The following RERE variants were observed in gnomAD, a reference collection of about 807,000 sequenced individuals.
The protein encoded by RERE is arginine-glutamic acid dipeptide repeats protein.
Under a neutral mutation model 146.1 loss-of-function variants are expected in RERE, and 40 were observed. The ratio of observed to expected loss-of-function variants is 0.27; its 90% CI spans 0.21 to 0.36. The LOEUF (loss-of-function observed/expected upper bound fraction) is 0.36. Ranked by LOEUF, RERE falls within the 10% of genes least tolerant of loss-of-function variation. RERE has a pLI of 1.00. For synonymous variants in RERE, 1,003 were observed against 866.0 expected (o/e 1.16, Z -2.78); for missense variants, 1,933 against 2,138.7 (o/e 0.90, Z 1.90).
rs557157101 is a variant in RERE at position 8,771,707 on chromosome 1, G to A, written c.-145+45453C>T. ...AGGCAGATCACGAGGTCAGGAGATA[G>A]AGGCCATCCTGGCTAACAAGGTGAA... On this transcript the variant is annotated intron_variant, in intron 1 of 22. Coordinates refer to ENST00000400908, the MANE Select transcript of RERE (RefSeq NM_001042681.2). Among the ~76,000 whole-genome samples, 6 of 152,080 alleles carry A rather than the reference G, an allele frequency of 3.9e-5. No individual in the cohort carries two copies. The South Asian group carries it at 1.2e-3, about 32-fold the overall frequency.
intron 4 of RERE, among the ~76,000 whole-genome samples, chr1:8,607,476 T>C (rs1360532420): frequency 1.3e-5 from 2 of 149,914 alleles, no homozygotes; most frequent in Non-Finnish European, 3.0e-5. Flanking sequence ...CTTTGGCAAT[T>C]CTATTGCTAA....
At chr1:8,779,638 G>A (rs754994715) in intron 1 of RERE, among the ~76,000 whole-genome samples, 6 of 151,938 alleles carry the variant, frequency 3.9e-5, no homozygotes, top group Non-Finnish European at 7.4e-5. Context: ...ACTCCAGTCC[G>A]GGCGACAAAG....
At chr1:8,640,649 C>T (rs1647164516) in intron 2 of RERE, among the ~76,000 whole-genome samples, 1 of 152,020 alleles carries the variant, frequency 6.6e-6, no homozygotes, top group South Asian at 2.1e-4. Context: ...ATGAAAAAGA[C>T]TTAAAGGTAC....
chr1:8,613,406 T>C (rs1278497035), intron 4 of RERE, among the ~76,000 whole-genome samples: 2 of 152,106 alleles, frequency 1.3e-5, no homozygotes, highest in African/African-American at 2.4e-5. Flanking sequence ...ACTGCCTGCG[T>C]TGCTTATAAG....
In RERE at chr1:8,542,096, GC is replaced by G. The variant is rs746530317; in HGVS notation, c.726-779del. ...CCAAGTATCAACGTAAATGCCAGAAGCATTATATCACGTGGTGAGGCCTAAC... is the reference window on the plus strand; with the variant it reads ...CCAAGTATCAACGTAAATGCCAGAAGATTATATCACGTGGTGAGGCCTAAC... On this transcript the variant is annotated intron_variant, in intron 6 of 22. Transcript: ENST00000400908. Among the ~76,000 whole-genome samples the G allele has an allele frequency of 3.4e-4, 51 of 152,176 alleles. 1 individual carries two copies. The highest frequency in any genetic ancestry group is 8.8e-5 in the Non-Finnish European group (6 of 68,030).
chr1:8,682,046 G>T (rs758682047), intron 1 of RERE, among the ~76,000 whole-genome samples: 51 of 152,046 alleles, frequency 3.4e-4, no homozygotes, highest in Non-Finnish European at 6.5e-4. Flanking sequence ...GGCTTATTTT[G>T]ATCATAATCT....
At chr1:8,714,191 G>A (rs1032682341) in intron 1 of RERE, among the ~76,000 whole-genome samples, 1 of 152,218 alleles carries the variant, frequency 6.6e-6, no homozygotes, top group East Asian at 1.9e-4. Flanking sequence ...CTCTAGAGAG[G>A]ATTGAACTAC....
At chr1:8,609,538 T>A (rs987959367) in intron 4 of RERE, among the ~76,000 whole-genome samples, 1 of 152,198 alleles carries the variant, frequency 6.6e-6, no homozygotes, top group Non-Finnish European at 1.5e-5. Context: ...TCATGATCTT[T>A]ATCGATGGTT....
intron 2 of RERE, among the ~76,000 whole-genome samples, chr1:8,640,156 G>GA (rs5772329): frequency 0.59 from 88,156 of 150,004 alleles, 26,372 homozygotes; most frequent in East Asian, 0.83. Context: ...CCCTGTCTCA[G>GA]AAAAAAAAAG....
chr1:8,400,222 ATGTGTGTGTG>A (rs1553161719), intron 12 of RERE, among the ~76,000 whole-genome samples: 55 of 140,154 alleles, frequency 3.9e-4, no homozygotes, highest in East Asian at 1.3e-3. Context: ...CCTGTGTCAT[ATGTGTGTGTG>A]TGTGTGTGTG....
At chr1:8,791,645 T>C (rs1388317457) in intron 1 of RERE, among the ~76,000 whole-genome samples, 1 of 152,196 alleles carries the variant, frequency 6.6e-6, no homozygotes, top group Non-Finnish European at 1.5e-5. Context: ...AAGCAACTGG[T>C]CTATCTTTTC....
At chr1:8,584,295 C>G (rs1646401192) in intron 4 of RERE, among the ~76,000 whole-genome samples, 1 of 152,190 alleles carries the variant, frequency 6.6e-6, no homozygotes, top group African/African-American at 2.4e-5. Flanking sequence ...GTGACTTACA[C>G]CTGTAATCCC....
At chr1:8,355,387 C>A in intron 22 of RERE, 32 bp downstream of exon 22, 2 of 1,605,276 alleles carry the variant, frequency 1.2e-6, no homozygotes, top group Non-Finnish European at 1.7e-6. Context: ...GCTCAGATAA[C>A]CCCTCCACTC....
rs1227354458 is a variant in RERE, at chr1:8,359,962, G to C, written c.3420C>G (p.Gly1140=). The C allele has an allele frequency of 3.1e-6, 5 of 1,612,846 alleles. No individual in the cohort carries two copies. The highest frequency in any genetic ancestry group is 4.2e-6 in the Non-Finnish European group (5 of 1,180,022). Reference sequence around the variant, plus strand: ...GGTCTGTCCGGGCACACGAGTTGTAGCCCCGGTCCAGGTGTTTGTAGAACC... The same window carrying C: ...GGTCTGTCCGGGCACACGAGTTGTACCCCCGGTCCAGGTGTTTGTAGAACC... ...SARFYKHLDR[G]YNSCARTDLY... The change falls in exon 19 of 23, where the codon GGC becomes GGG. Residue 1140 remains glycine (G), a synonymous_variant. Transcript: ENST00000400908.
At chr1:8,706,821 A>T (rs1639569450) in intron 1 of RERE, among the ~76,000 whole-genome samples, 1 of 152,088 alleles carries the variant, frequency 6.6e-6, no homozygotes, top group Non-Finnish European at 1.5e-5. Context: ...TTTAACCCTC[A>T]TTAGTATGAG....
At chr1:8,362,903 C>A in intron 15 of RERE, 59 bp from the exon 16 acceptor site, 1 of 1,559,628 alleles carries the variant, frequency 6.4e-7, no homozygotes, top group Non-Finnish European at 8.7e-7. Context: ...GTGGACCCAC[C>A]TGAGCCCAAC....
At chr1:8,365,540 G>T (rs968536326) in intron 13 of RERE, among the ~76,000 whole-genome samples, 1 of 152,204 alleles carries the variant, frequency 6.6e-6, no homozygotes, top group Non-Finnish European at 1.5e-5. Flanking sequence ...GCCAAGACGT[G>T]TATTTTTTGT....
At chr1:8,438,098 G>A (rs926331175) in intron 11 of RERE, among the ~76,000 whole-genome samples, 19 of 152,184 alleles carry the variant, frequency 1.2e-4, no homozygotes, top group Non-Finnish European at 2.4e-4. Context: ...CTCCTGGCTC[G>A]GCCTCCCAAG....
chr1:8,728,501 G>GA (rs1640016550), intron 1 of RERE, among the ~76,000 whole-genome samples: 1 of 150,718 alleles, frequency 6.6e-6, no homozygotes. Flanking sequence ...TGTTTAGAGC[G>GA]AAAAAGTCTA....
Sources: allele counts gnomAD v4.1 joint callset (sites outside exome capture counted in the v4.1 genomes callset), GRCh38; gene constraint gnomAD v4.1.1; transcripts MANE v1.5; gene names NCBI Gene and HGNC (gene_info 2026-07-23, HGNC 2026-07-21).